The following PCDHA1 variants were observed in gnomAD, a reference collection of about 807,000 sequenced individuals.
The protein encoded by PCDHA1 is protocadherin alpha-1.
Under a neutral mutation model 61.3 loss-of-function variants are expected in PCDHA1, and 42 were observed. The observed-to-expected ratio is 0.69, with a 90% CI of 0.54 to 0.89. The LOEUF is 0.89. Ranked by LOEUF, PCDHA1 falls within the 40% of genes least tolerant of loss-of-function variation. PCDHA1 has a pLI of 0.00. For synonymous variants in PCDHA1, 610 were observed against 553.8 expected, an observed-to-expected ratio of 1.10 and a Z score of -1.43; for missense variants, 1,256 against 1,235.3, an observed-to-expected ratio of 1.02 and a Z score of -0.25.
chr5:140,962,288 A>G (rs1310558261), intron 1 of PCDHA1, among the ~76,000 whole-genome samples: 2 of 152,192 alleles, frequency 1.3e-5, no homozygotes, highest in African/African-American at 4.8e-5. Flanking sequence ...TCAACCTTTA[A>G]TATTCTATGA....
chr5:140,926,702 G>C (rs2083474783), intron 1 of PCDHA1: 1 of 832,476 alleles, frequency 1.2e-6, no homozygotes, highest in South Asian at 2.8e-5. Context: ...CCGGCTCCCA[G>C]CTGGCCAGCC....
intron 1 of PCDHA1, among the ~76,000 whole-genome samples, chr5:140,937,771 G>T (rs558321540): frequency 6.6e-6 from 1 of 151,436 alleles, no homozygotes; most frequent in Non-Finnish European, 1.5e-5. Context: ...AATTAGTCGG[G>T]CGTGGTGGCG....
intron 1 of PCDHA1, among the ~76,000 whole-genome samples, chr5:140,959,036 GTATGT>G (rs2095460948): frequency 6.6e-6 from 1 of 152,032 alleles, no homozygotes; most frequent in African/African-American, 2.4e-5. Flanking sequence ...TCATGGGTAT[GTATGT>G]ATAGGAAAAA....
Position 140,845,283 on chromosome 5 carries a change from C to G in PCDHA1, c.2394+56599C>G, listed in dbSNP as rs1279149286. ...TTTTCCTTTGTGAAAGTAATATTTC[C>G]TATCCTGTCTATGTCTACCTGGTTC... On this transcript the variant is annotated intron_variant, in intron 1 of 3. Coordinates refer to ENST00000504120, the MANE Select transcript of PCDHA1 (RefSeq NM_018900.4). Among the ~76,000 whole-genome samples, 6 of 149,008 alleles carry G rather than the reference C, an allele frequency of 4.0e-5. No individual in the cohort carries two copies. The South Asian group carries it at 1.1e-3, about 26-fold the overall frequency.
At chr5:141,005,437 C>T (rs1469007749) in intron 3 of PCDHA1, among the ~76,000 whole-genome samples, 4 of 152,092 alleles carry the variant, frequency 2.6e-5, no homozygotes, top group African/African-American at 7.2e-5. Context: ...GGATGAGAGG[C>T]TCACGCCTGT....
At position 140,823,653 on chromosome 5, in the gene PCDHA1, C is replaced by T. The variant is rs2150127949; in HGVS notation, c.2394+34969C>T. 1.9e-6 allele frequency: 3 copies of T among 1,614,026 alleles called. No homozygotes were observed. The Admixed American group carries it at 5.0e-5, about 27-fold the overall frequency. On this transcript the variant is annotated intron_variant, in intron 1 of 3. Transcript: ENST00000504120. ...GCATCCCGTTCCGCGTGGGGCTGTA[C>T]ACAGGCGAGATCAGCACAACACGCT...
intron 1 of PCDHA1, among the ~76,000 whole-genome samples, chr5:140,792,910 C>T (rs2149906056): frequency 6.6e-6 from 1 of 152,340 alleles, no homozygotes; most frequent in Admixed American, 6.5e-5. Flanking sequence ...ATGACCTCCA[C>T]TTTTCAGTTC....
intron 1 of PCDHA1, among the ~76,000 whole-genome samples, chr5:140,948,015 C>CCTTTT (rs71276332): frequency 0.56 from 84,575 of 150,344 alleles, 24,313 homozygotes; most frequent in African/African-American, 0.69. Context: ...TAGGAAGTAC[C>CCTTTT]CTTTCTGGTT....
chr5:140,834,483 T>C (rs1387248014), intron 1 of PCDHA1: 12 of 1,614,016 alleles, frequency 7.4e-6, no homozygotes, highest in Admixed American at 1.7e-5. Context: ...GCTCCACTAC[T>C]CGGTCCCCGA....
At chr5:140,891,708 C>T (rs1422243783) in intron 1 of PCDHA1, among the ~76,000 whole-genome samples, 1 of 152,066 alleles carries the variant, frequency 6.6e-6, no homozygotes, top group Admixed American at 6.6e-5. Context: ...TGAATTTGTA[C>T]CCCCAAATTC....
At chr5:140,908,822 C>G (rs2074167872) in intron 1 of PCDHA1, among the ~76,000 whole-genome samples, 1 of 152,136 alleles carries the variant, frequency 6.6e-6, no homozygotes, top group African/African-American at 2.4e-5. Flanking sequence ...TTTTGGGTTA[C>G]TCGATAAATG....
Position 140,845,550 on chromosome 5 carries a change from G to A in PCDHA1, c.2394+56866G>A, listed in dbSNP as rs185907796. Among the ~76,000 whole-genome samples, 15 of 149,478 alleles carry A rather than the reference G, an allele frequency of 1.0e-4. 1 individual carries two copies. Among genetic ancestry groups the A allele is most frequent in the Non-Finnish European group, 1.3e-4 (9 of 66,770 alleles). On this transcript the variant is annotated intron_variant, in intron 1 of 3. Coordinates refer to ENST00000504120, the MANE Select transcript of PCDHA1 (RefSeq NM_018900.4). ...TTTTCACTATTCTAATTATGGTGAT[G>A]CTTTTAGCTATTAAGAATTTCTGGG...
chr5:140,870,695 A>C, intron 1 of PCDHA1: 1 of 1,613,024 alleles, frequency 6.2e-7, no homozygotes, highest in East Asian at 2.2e-5. Context: ...GAGCTGCTAC[A>C]GTTCCAGGTG....
intron 1 of PCDHA1, chr5:140,877,170 G>A (rs782615376): frequency 6.2e-7 from 1 of 1,613,712 alleles, no homozygotes. Flanking sequence ...CGGCACTGCT[G>A]GCGACTCCGG....
At chr5:140,818,759 G>A (rs2150102311) in intron 1 of PCDHA1, among the ~76,000 whole-genome samples, 65 of 152,296 alleles carry the variant, frequency 4.3e-4, no homozygotes, top group Non-Finnish European at 5.6e-4. Context: ...GATGGCTTGA[G>A]CCTGAGGCTG....
chr5:140,862,359 C>T (rs1364549064), intron 1 of PCDHA1: 3 of 337,738 alleles, frequency 8.9e-6, no homozygotes, highest in African/African-American at 4.3e-5. Flanking sequence ...AAGGGACAGA[C>T]GACCCGCACC....
In PCDHA1 at chr5:140,801,704, T is replaced by C. The variant is rs575847479; in HGVS notation, c.2394+13020T>C. 6.7e-5 allele frequency: 108 copies of C among 1,614,206 alleles called. No homozygotes were observed. The Admixed American group carries it at 1.8e-3, about 26-fold the overall frequency. ...ATATCGGAACAAATTCGTTGTTGAC[T>C]TACAGTCTTGATTCCACTGAATATT... On this transcript the variant is annotated intron_variant, in intron 1 of 3. Transcript: ENST00000504120.
chr5:140,989,681 A>C (rs1428237884), intron 3 of PCDHA1, among the ~76,000 whole-genome samples: 1 of 152,250 alleles, frequency 6.6e-6, no homozygotes, highest in Non-Finnish European at 1.5e-5. Flanking sequence ...CAGATTTCAA[A>C]GGAACGTGAA....
At chr5:140,871,911 A>G (rs2053380850) in intron 1 of PCDHA1, among the ~76,000 whole-genome samples, 1 of 152,196 alleles carries the variant, frequency 6.6e-6, no homozygotes, top group Non-Finnish European at 1.5e-5. Flanking sequence ...TTTTGCCTTG[A>G]TATTTCCACA....
Sources: gnomAD v4.1 joint callset for allele counts (sites outside exome capture counted in the v4.1 genomes callset) on GRCh38, gnomAD v4.1.1 for gene constraint, MANE v1.5 for transcripts, NCBI Gene and HGNC (gene_info 2026-07-23, HGNC 2026-07-21) for gene names.